EYA3: variants seen among roughly 807,000 people sequenced by gnomAD.
EYA3 encodes the protein protein phosphatase EYA3.
Under a neutral mutation model 80.0 loss-of-function variants are expected in EYA3, and 39 were observed. The ratio of observed to expected loss-of-function variants is 0.49; its 90% confidence interval spans 0.38 to 0.64. The LOEUF (loss-of-function observed/expected upper bound fraction) is 0.64, where lower values mean the gene tolerates loss of function less well. EYA3 is among the 30% of genes least tolerant of loss of function. The pLI is 0.00. For synonymous variants in EYA3, 206 were observed against 232.8 expected (o/e 0.88, Z 1.05); for missense variants, 523 against 676.1 (o/e 0.77, Z 2.51).
chr1:28,011,484 A>G (rs1641693352), intron 9 of EYA3, among the ~76,000 whole-genome samples: 1 of 152,168 alleles, frequency 6.6e-6, no homozygotes, highest in African/African-American at 2.4e-5. Flanking sequence ...GTTAAGCAGT[A>G]TCCTTAGCAT....
chr1:28,034,414 G>A (rs1241662414), intron 6 of EYA3, among the ~76,000 whole-genome samples: 1 of 152,068 alleles, frequency 6.6e-6, no homozygotes, highest in African/African-American at 2.4e-5. Flanking sequence ...CTTTCAAAAG[G>A]TCCATTCAGT....
chr1:28,014,970 A>C (rs1641951161), intron 8 of EYA3, among the ~76,000 whole-genome samples: 1 of 152,192 alleles, frequency 6.6e-6, no homozygotes, highest in Non-Finnish European at 1.5e-5. Flanking sequence ...CATTATTTCT[A>C]ATTAGTCATT....
intron 7 of EYA3, among the ~76,000 whole-genome samples, chr1:28,022,792 G>A (rs1642527386): frequency 6.6e-6 from 1 of 151,772 alleles, no homozygotes; most frequent in South Asian, 2.1e-4. Flanking sequence ...ACAGCTCACT[G>A]AGGCCTCGAC....
chr1:28,015,142 A>T (rs1460813023), intron 8 of EYA3, among the ~76,000 whole-genome samples: 1 of 152,240 alleles, frequency 6.6e-6, no homozygotes, highest in Non-Finnish European at 1.5e-5. Context: ...GCAATAAAAT[A>T]TATGTCAAAT....
intron 16 of EYA3, among the ~76,000 whole-genome samples, chr1:27,979,520 G>A (rs1639166028): frequency 6.6e-6 from 1 of 152,176 alleles, no homozygotes; most frequent in Non-Finnish European, 1.5e-5. Flanking sequence ...ACATGGCAGT[G>A]TATCAAAACT....
At chr1:28,075,108 C>T (rs1031632799) in intron 1 of EYA3, among the ~76,000 whole-genome samples, 1 of 152,138 alleles carries the variant, frequency 6.6e-6, no homozygotes, top group African/African-American at 2.4e-5. Context: ...CCTTCCTTAG[C>T]CTTTACTTCT....
chr1:28,072,007 C>G (rs1332500056), intron 1 of EYA3, among the ~76,000 whole-genome samples: 4 of 152,030 alleles, frequency 2.6e-5, no homozygotes, highest in Non-Finnish European at 5.9e-5. Context: ...CTCTGCTTAG[C>G]CTAAATGAAA....
chr1:28,042,641 G>C lies in EYA3; in HGVS notation c.87C>G (p.Ser29Arg). ...ESGEQTISQV[S>R]NPDVSDQKPE... The stretch of plus-strand genomic sequence containing the variant: ...GCTTCTGATCACTGACATCTGGATT[G>C]CTTACTTGACTGGGAGAACCAAAAT... The change falls in exon 4 of 18, where the codon AGC (serine) becomes AGG (arginine). Residue 29 changes from serine (S) to arginine (R), a missense_variant. Coordinates refer to ENST00000373871, the MANE Select transcript of EYA3 (RefSeq NM_001990.4). 1.2e-6 allele frequency: 2 copies of C among 1,614,022 alleles called. No individual in the cohort carries two copies. Among genetic ancestry groups the C allele is most frequent in the Non-Finnish European group, 1.7e-6 (2 of 1,179,896 alleles).
intron 1 of EYA3, among the ~76,000 whole-genome samples, chr1:28,084,599 T>A (rs865791850): frequency 0.012 from 388 of 31,198 alleles, no homozygotes; most frequent in South Asian, 0.033. Context: ...ATATATATTT[T>A]TTTTTTTTTT....
chr1:28,087,325 T>C (rs147163248), intron 1 of EYA3, among the ~76,000 whole-genome samples: 141 of 152,126 alleles, frequency 9.3e-4, no homozygotes, highest in Middle Eastern at 3.4e-3. Context: ...ATAGTTTTAC[T>C]ACAAAGGTGG....
chr1:28,044,771 G>C (rs976130486), intron 3 of EYA3, among the ~76,000 whole-genome samples: 3 of 151,796 alleles, frequency 2.0e-5, no homozygotes, highest in African/African-American at 7.3e-5. Context: ...TTGTTTGGTT[G>C]GTTTTTGTTT....
intron 1 of EYA3, among the ~76,000 whole-genome samples, chr1:28,070,561 C>CA (rs1408010909): frequency 5.4e-5 from 8 of 147,972 alleles, no homozygotes; most frequent in Middle Eastern, 6.8e-3. Flanking sequence ...GACTCCGTCT[C>CA]AAAAAAAAGA....
At position 28,004,502 on chromosome 1, in the gene EYA3, G is replaced by T. The variant is rs12139076; in HGVS notation, c.910-83C>A. ...AGAAATCAATAACAGAAAGAGAACTGGGAAATTCATAAATATGTAGGAATT... is the reference window on the plus strand; with the variant it reads ...AGAAATCAATAACAGAAAGAGAACTTGGAAATTCATAAATATGTAGGAATT... On this transcript the variant is annotated intron_variant, in intron 10 of 17. Coordinates refer to ENST00000373871, the MANE Select transcript of EYA3 (RefSeq NM_001990.4). 16 of 961,652 alleles carry T rather than the reference G, an allele frequency of 1.7e-5. No homozygotes were observed. In the East Asian group the frequency reaches 3.7e-4, roughly 22 times the overall value. The allele number at this position is 961,652 out of a possible 1,614,324, so 59.6% of individuals were successfully genotyped here. A position where few individuals can be genotyped will look rare whatever the true frequency, so the allele number is the denominator to read the frequency against.
At chr1:28,043,307 TA>T (rs1643883143) in intron 3 of EYA3, among the ~76,000 whole-genome samples, 2 of 141,626 alleles carry the variant, frequency 1.4e-5, no homozygotes, top group South Asian at 4.5e-4. Flanking sequence ...TTTTGATATA[TA>T]AAACACCTTT....
intron 2 of EYA3, 152 bp from the exon 3 acceptor site, chr1:28,048,578 G>C: frequency 2.0e-6 from 1 of 497,038 alleles, no homozygotes; most frequent in Non-Finnish European, 3.5e-6. Context: ...TTTAGAGCTA[G>C]AAATGAAGTT....
rs962744758 is a variant in EYA3, at chr1:27,974,174, T to G, written c.*292A>C. On this transcript the variant is annotated 3_prime_UTR_variant, in exon 18 of 18. Coordinates refer to ENST00000373871, the MANE Select transcript of EYA3 (RefSeq NM_001990.4). ...AACTGTCCCTGCTTCTGTATGGAGA[T>G]GAACACGGGGCTGCAGCTCACTCTT... 1 of 215,060 alleles carries G rather than the reference T, an allele frequency of 4.6e-6. No individual in the cohort carries two copies. The highest frequency in any genetic ancestry group is 9.4e-6 in the Non-Finnish European group (1 of 106,454). The allele number at this position is 215,060 out of a possible 1,614,324, so 13.3% of individuals were successfully genotyped here. A position where few individuals can be genotyped will look rare whatever the true frequency, so the allele number is the denominator to read the frequency against.
chr1:28,060,443 T>C (rs1644580143), intron 1 of EYA3, among the ~76,000 whole-genome samples: 1 of 152,168 alleles, frequency 6.6e-6, no homozygotes, highest in Admixed American at 6.5e-5. Flanking sequence ...GGTGGGGATA[T>C]AAATTATCAA....
chr1:28,024,491 T>C (rs868457691), intron 7 of EYA3, among the ~76,000 whole-genome samples: 2 of 151,934 alleles, frequency 1.3e-5, no homozygotes, highest in African/African-American at 4.8e-5. Context: ...ACCCTGTCTC[T>C]ACTAAAAATA....
chr1:28,080,109 T>A (rs1645368438), intron 1 of EYA3, among the ~76,000 whole-genome samples: 1 of 152,036 alleles, frequency 6.6e-6, no homozygotes, highest in Admixed American at 6.6e-5. Flanking sequence ...GATATCAACT[T>A]AGTGAATGGA....
Sources: gnomAD v4.1 joint callset for allele counts (sites outside exome capture counted in the v4.1 genomes callset) on GRCh38, gnomAD v4.1.1 for gene constraint, MANE v1.5 for transcripts, NCBI Gene and HGNC (gene_info 2026-07-23, HGNC 2026-07-21) for gene names.